KIAA2012: variants seen among roughly 807,000 people sequenced by gnomAD.
KIAA2012 encodes the protein uncharacterized protein KIAA2012.
In KIAA2012, 125 loss-of-function variants were observed where a neutral mutation model predicts 150.6. The ratio of observed to expected loss-of-function variants is 0.83; its 90% CI spans 0.72 to 0.96. KIAA2012 has a LOEUF of 0.96. KIAA2012 is among the 40% of genes least tolerant of loss of function. The probability of loss-of-function intolerance (pLI) is 0.00; values close to 1 mark genes in which losing one functional copy is unlikely to be tolerated. For synonymous variants in KIAA2012, 462 were observed against 504.7 expected (o/e 0.92, Z 1.13); for missense variants, 1,219 against 1,354.9 (o/e 0.90, Z 1.57).
intron 14 of KIAA2012, among the ~76,000 whole-genome samples, chr2:202,157,437 T>C (rs969646137): frequency 1.4e-4 from 21 of 152,150 alleles, no homozygotes; most frequent in African/African-American, 4.8e-4. Flanking sequence ...CTGGGGCATG[T>C]AGGAAGCATT....
chr2:202,198,488 T>G (rs573252505), intron 22 of KIAA2012, among the ~76,000 whole-genome samples: 9 of 152,330 alleles, frequency 5.9e-5, no homozygotes, highest in African/African-American at 2.2e-4. Context: ...ATGAGGGCCT[T>G]GTTAGAAGAA....
At chr2:202,140,594 T>TA (rs1371509165) in intron 13 of KIAA2012, among the ~76,000 whole-genome samples, 1 of 152,196 alleles carries the variant, frequency 6.6e-6, no homozygotes, top group African/African-American at 2.4e-5. Context: ...CACCCCCGCT[T>TA]ACTTCTCGAG....
chr2:202,113,447 G>A lies in KIAA2012; in HGVS notation c.1762+1G>A, dbSNP rs1235801335. On this transcript the variant is annotated splice_donor_variant, in intron 11 of 23. Coordinates refer to ENST00000498697, the MANE Select transcript of KIAA2012 (RefSeq NM_001277372.4). LOFTEE classifies it high-confidence loss of function. ...ACCGAGGCGCTTCCATCGGGTAAAG[G>A]TAAGCTAACACATTCCAGGGCAGCC... 2.6e-6 allele frequency: 4 copies of A among 1,543,548 alleles called. No individual in the cohort carries two copies. In the Admixed American group the frequency reaches 5.9e-5, roughly 23 times the overall value.
At chr2:202,191,548 C>T (rs1001769875) in intron 19 of KIAA2012, among the ~76,000 whole-genome samples, 8 of 42,340 alleles carry the variant, frequency 1.9e-4, no homozygotes, top group Non-Finnish European at 2.4e-4. Context: ...CTATCTATCT[C>T]TAACCAAAAA....
chr2:202,116,196 G>C (rs1559210025), intron 11 of KIAA2012: 1 of 152,182 alleles, frequency 6.6e-6, no homozygotes, highest in Non-Finnish European at 1.5e-5. Flanking sequence ...CAATGATTCA[G>C]GTTGGGCATC....
chr2:202,152,050 C>T (rs1055893739), intron 13 of KIAA2012, among the ~76,000 whole-genome samples: 5 of 152,196 alleles, frequency 3.3e-5, no homozygotes, highest in Admixed American at 3.3e-4. Flanking sequence ...CGGATATGAG[C>T]CACTGCACCG....
chr2:202,130,701 G>C (rs1049555584), intron 12 of KIAA2012, among the ~76,000 whole-genome samples: 2 of 152,134 alleles, frequency 1.3e-5, no homozygotes, highest in African/African-American at 4.8e-5. Context: ...AGGATCACTT[G>C]AGGTCAGGAG....
chr2:202,201,991 G>T, intron 22 of KIAA2012: 1 of 609,930 alleles, frequency 1.6e-6, no homozygotes, highest in Admixed American at 2.8e-5. Flanking sequence ...TCTGTCTAGC[G>T]TTACCCAACG....
Position 202,105,837 on chromosome 2 carries a change from G to A in KIAA2012, c.1401G>A (p.Ala467=), listed in dbSNP as rs530562614. ...TPVWRPPLKH[A]SLETPWELTV... ...TGTGGAGACCTCCCCTGAAGCATGC[G>A]TCCTTAGAAACACCATGGGAGTTAA... The change falls in exon 9 of 24, where the codon GCG becomes GCA. Residue 467 remains alanine, a synonymous_variant. Coordinates refer to ENST00000498697, the MANE Select transcript of KIAA2012 (RefSeq NM_001277372.4). The A allele has an allele frequency of 3.1e-5, 48 of 1,550,710 alleles. No individual in the cohort carries two copies. The highest frequency in any genetic ancestry group is 1.2e-4 in the Admixed American group (6 of 50,994).
intron 10 of KIAA2012, among the ~76,000 whole-genome samples, chr2:202,110,628 G>C (rs1402671978): frequency 6.6e-6 from 1 of 152,184 alleles, no homozygotes; most frequent in Admixed American, 6.5e-5. Flanking sequence ...GTTAACAGCA[G>C]AATCACACTC....
In KIAA2012 at chr2:202,159,212, G is replaced by C. The variant is rs116440715; in HGVS notation, c.2046+4402G>C. On this transcript the variant is annotated intron_variant, in intron 14 of 23. Transcript: ENST00000498697. ...AGGACATCATCCAAAGATGGAGCAG[G>C]GTGCCTTAGGAGATAAGTTCTTGTC... Among the ~76,000 whole-genome samples the C allele has an allele frequency of 2.9e-3, 444 of 152,208 alleles. 1 individual carries two copies. The highest frequency in any genetic ancestry group is 0.01 in the African/African-American group (424 of 41,506).
intron 12 of KIAA2012, among the ~76,000 whole-genome samples, chr2:202,133,109 A>AAAAATATATATATATATAT (rs766606713): frequency 3.4e-5 from 3 of 87,870 alleles, no homozygotes; most frequent in African/African-American, 1.4e-4. Context: ...TCTAAAAAAA[A>AAAAATATATATATATATAT]ATATATATAT....
chr2:202,185,701 A>G (rs1000523809), intron 16 of KIAA2012, among the ~76,000 whole-genome samples: 3 of 152,140 alleles, frequency 2.0e-5, no homozygotes, highest in Non-Finnish European at 2.9e-5. Flanking sequence ...ACTTAATTTC[A>G]GGCTTGACAG....
At chr2:202,121,870 T>A (rs775987099) in intron 11 of KIAA2012, among the ~76,000 whole-genome samples, 1 of 151,850 alleles carries the variant, frequency 6.6e-6, no homozygotes, top group Non-Finnish European at 1.5e-5. Flanking sequence ...AATCCAGGGG[T>A]ATTCCAGGAA....
At chr2:202,134,949 A>G (rs1328443601) in intron 12 of KIAA2012, among the ~76,000 whole-genome samples, 1 of 152,260 alleles carries the variant, frequency 6.6e-6, no homozygotes, top group Non-Finnish European at 1.5e-5. Flanking sequence ...TTAAGGAGCC[A>G]TATTCCCTGC....
intron 13 of KIAA2012, among the ~76,000 whole-genome samples, chr2:202,152,684 A>G (rs1234300692): frequency 6.6e-6 from 1 of 152,212 alleles, no homozygotes; most frequent in Non-Finnish European, 1.5e-5. Flanking sequence ...AAAGCTAATC[A>G]GATATGTGGC....
intron 6 of KIAA2012, 105 bp from the exon 7 acceptor site, chr2:202,100,202 G>A: frequency 8.0e-7 from 1 of 1,250,244 alleles, no homozygotes; most frequent in East Asian, 2.6e-5. Context: ...CCAGCACACT[G>A]CCTGCCTTTC....
chr2:202,143,476 T>C (rs530733897), intron 13 of KIAA2012, among the ~76,000 whole-genome samples: 1 of 150,950 alleles, frequency 6.6e-6, no homozygotes, highest in South Asian at 2.1e-4. Flanking sequence ...GGAAAAGACT[T>C]GCAAATAATG....
intron 21 of KIAA2012, among the ~76,000 whole-genome samples, chr2:202,196,474 C>T (rs910342626): frequency 2.6e-5 from 4 of 151,856 alleles, no homozygotes; most frequent in South Asian, 2.1e-4. Flanking sequence ...GGATTACAGG[C>T]GTGAGCCACC....
Sources: allele counts gnomAD v4.1 joint callset (sites outside exome capture counted in the v4.1 genomes callset), GRCh38; gene constraint gnomAD v4.1.1; transcripts MANE v1.5; gene names NCBI Gene and HGNC (gene_info 2026-07-23, HGNC 2026-07-21).